URB1: variants seen among roughly 807,000 people sequenced by gnomAD.
URB1 encodes the protein nucleolar pre-ribosomal-associated protein 1.
URB1 carries 197 observed loss-of-function variants against 242.3 expected under a neutral mutation model. That is an observed-to-expected ratio of 0.81 (90% CI 0.72 to 0.91). URB1 has a LOEUF of 0.91. URB1 is among the 40% of genes least tolerant of loss of function. The pLI, the probability that URB1 is intolerant of heterozygous loss-of-function variation, is 0.00. For synonymous variants in URB1, 1,153 were observed against 1,201.8 expected (o/e 0.96, Z 0.84); for missense variants, 2,721 against 2,860.5 (o/e 0.95, Z 1.11).
chr21:32,372,633 T>G lies in URB1; in HGVS notation c.877-2A>C. On this transcript the variant is annotated splice_acceptor_variant, in intron 7 of 38. Transcript: ENST00000382751. LOFTEE classifies it high-confidence loss of function. ...TTTCCCTGCTTCTTCGGCAGAAACC[T>G]ATGAAGATTTTTTAAAAATTCAATG... 2 of 1,545,020 alleles carry G rather than the reference T, an allele frequency of 1.3e-6. No homozygotes were observed. Among genetic ancestry groups the G allele is most frequent in the Admixed American group, 2.0e-5 (1 of 49,166 alleles).
intron 14 of URB1, among the ~76,000 whole-genome samples, chr21:32,358,297 G>A (rs1601143890): frequency 6.6e-6 from 1 of 152,182 alleles, no homozygotes; most frequent in South Asian, 2.1e-4. Flanking sequence ...GAAGGCACCT[G>A]GCTGTTTACT....
intron 23 of URB1, among the ~76,000 whole-genome samples, chr21:32,344,988 T>C (rs1239562129): frequency 6.6e-6 from 1 of 152,202 alleles, no homozygotes. Context: ...AGGACACGTA[T>C]GTCCAGACTT....
chr21:32,334,123 G>A, intron 29 of URB1, 40 bp downstream of exon 29: 1 of 1,497,974 alleles, frequency 6.7e-7, no homozygotes, highest in Non-Finnish European at 9.0e-7. Context: ...CTGAGGCTGG[G>A]GTGAAGGGGT....
rs896613291 is a variant in URB1 at position 32,314,105 on chromosome 21, T to A, written c.*813A>T. ...TGTAACATCCTTTTCTTTAATAAAA[T>A]AATTAAACACTGGCAGAAATTAACT... is the stretch of plus-strand genomic sequence containing the variant. On this transcript the variant is annotated 3_prime_UTR_variant, in exon 39 of 39. Coordinates refer to ENST00000382751, the MANE Select transcript of URB1 (RefSeq NM_014825.3). The A allele has an allele frequency of 1.2e-5, 2 of 163,268 alleles. No individual in the cohort carries two copies. Among genetic ancestry groups the A allele is most frequent in the Non-Finnish European group, 2.7e-5 (2 of 74,588 alleles). 10.1% of individuals were successfully genotyped at this position (163,268 alleles called of 1,614,324 possible).
chr21:32,336,912 A>G (rs537633238), intron 28 of URB1, among the ~76,000 whole-genome samples, 182 bp downstream of exon 28: 6 of 152,316 alleles, frequency 3.9e-5, no homozygotes, highest in Admixed American at 3.9e-4. Flanking sequence ...GCCTTATGGC[A>G]TAAGGCCAAG....
chr21:32,334,373 C>T (rs2032932241), intron 28 of URB1, 39 bp from the exon 29 acceptor site: 3 of 1,511,004 alleles, frequency 2.0e-6, no homozygotes. Context: ...GTCACAGAGC[C>T]CCCCGGGAAC....
Position 32,354,866 on chromosome 21 carries a change from G to A in URB1, c.2238C>T (p.His746=), listed in dbSNP as rs1476094549. The part of the protein sequence containing the change: ...EADDMSIPIS[H]IDDVLDMVDV... ...GAACAGAATGGAACATACCGTCAAT[G>A]TGGGAGATGGGAATGCTCATGTCAT... The change falls in exon 17 of 39, where the codon CAC becomes CAT. Residue 746 remains histidine, a synonymous_variant. Transcript: ENST00000382751. The A allele has an allele frequency of 1.3e-6, 2 of 1,552,350 alleles. No homozygotes were observed. The highest frequency in any genetic ancestry group is 1.2e-5 in the South Asian group (1 of 84,054).
At chr21:32,352,372 G>A (rs2033167646) in intron 19 of URB1, among the ~76,000 whole-genome samples, 1 of 152,182 alleles carries the variant, frequency 6.6e-6, no homozygotes, top group Non-Finnish European at 1.5e-5. Context: ...CTGCAGAGGA[G>A]AGCCAGGAGA....
chr21:32,347,248 T>C lies in URB1; in HGVS notation c.3576A>G (p.Ala1192=). The C allele has an allele frequency of 1.9e-6, 3 of 1,550,904 alleles. No individual in the cohort carries two copies. The highest frequency in any genetic ancestry group is 2.6e-6 in the Non-Finnish European group (3 of 1,146,964). The stretch of plus-strand genomic sequence containing the variant: ...GGAGCACTGTGTCCAGCTCGTCCAC[T>C]GCTAGCGTGGGCAGCAGAGCCCCCA... ...RGLGALLPTL[A]VDELDTVLLH... Residue 1192 remains alanine (A), a synonymous_variant, in exon 22 of 39, where the codon GCA becomes GCG. Coordinates refer to ENST00000382751, the MANE Select transcript of URB1 (RefSeq NM_014825.3).
rs979229183 is a variant in URB1, at chr21:32,317,786, GT to G, written c.5923del (p.Thr1975ProfsTer24). 2 of 1,551,990 alleles carry G rather than the reference GT, an allele frequency of 1.3e-6. No homozygotes were observed. Among genetic ancestry groups the G allele is most frequent in the Non-Finnish European group, 1.7e-6 (2 of 1,147,052 alleles). ...RFTVNETVLS[T>X]KDVLVLLHKW... ...GTGCAAGAGGACAAGGACGTCCTTG[GT>G]GGAAAGCACTGTCTCATTTACGGTG... On this transcript the variant is annotated frameshift_variant, in exon 37 of 39. Coordinates refer to ENST00000382751, the MANE Select transcript of URB1 (RefSeq NM_014825.3). LOFTEE classifies it high-confidence loss of function.
chr21:32,375,002 A>AG (rs1326498071), intron 6 of URB1, among the ~76,000 whole-genome samples: 1 of 152,244 alleles, frequency 6.6e-6, no homozygotes, highest in Non-Finnish European at 1.5e-5. Context: ...AAGTTTTAAA[A>AG]TATCAATAAG....
intron 24 of URB1, among the ~76,000 whole-genome samples, chr21:32,343,387 A>C (rs1186279527): frequency 6.6e-6 from 1 of 152,236 alleles, no homozygotes; most frequent in Admixed American, 6.5e-5. Flanking sequence ...GGAAAGCATC[A>C]CTGAACTTAA....
chr21:32,329,024 C>T (rs1156700638), intron 30 of URB1, among the ~76,000 whole-genome samples: 1 of 151,946 alleles, frequency 6.6e-6, no homozygotes, highest in Non-Finnish European at 1.5e-5. Context: ...GCTGTAATCC[C>T]CCAGCAACTT....
chr21:32,349,179 C>T (rs1197818911), intron 21 of URB1, 125 bp downstream of exon 21: 1 of 1,307,932 alleles, frequency 7.6e-7, no homozygotes, highest in Non-Finnish European at 1.0e-6. Flanking sequence ...TTTATGATCT[C>T]TGCTGTAGTT....
chr21:32,312,201 T>C lies in URB1; in HGVS notation c.*2717A>G. The C allele has an allele frequency of 6.7e-7, 1 of 1,487,044 alleles. No individual in the cohort carries two copies. Among genetic ancestry groups the C allele is most frequent in the South Asian group, 1.3e-5 (1 of 75,238 alleles). 92.1% of individuals were successfully genotyped at this position (1,487,044 alleles called of 1,614,324 possible). ...AGAGGTCATCCCAGGTGTTGCTGAGTTTATTGAGCACACCTAGCCTGCTTG... is the reference window on the plus strand; with the variant it reads ...AGAGGTCATCCCAGGTGTTGCTGAGCTTATTGAGCACACCTAGCCTGCTTG... On this transcript the variant is annotated 3_prime_UTR_variant, in exon 39 of 39. Transcript: ENST00000382751.
rs1170337670 is a variant in URB1 at position 32,346,998 on chromosome 21, G to A, written c.3826C>T (p.Leu1276Phe). 4.5e-6 allele frequency: 7 copies of A among 1,542,356 alleles called. No individual in the cohort carries two copies. The highest frequency in any genetic ancestry group is 6.1e-6 in the Non-Finnish European group (7 of 1,140,390). ...AAGTGGCTCCGTGTCCTGCACTGGA[G>A]GTACACATGGATGAGGGGAAGGAAG... The part of the protein sequence containing the change: ...DDFLPLIHVY[L>F]QCRTRSHFTR... Residue 1276 changes from leucine to phenylalanine, a missense_variant, in exon 22 of 39, where the codon CTC becomes TTC. Leu to Phe is a conservative substitution (Grantham distance 22). Coordinates refer to ENST00000382751, the MANE Select transcript of URB1 (RefSeq NM_014825.3).
chr21:32,387,501 C>T (rs1177730768), intron 1 of URB1, among the ~76,000 whole-genome samples: 1 of 151,006 alleles, frequency 6.6e-6, no homozygotes, highest in Non-Finnish European at 1.5e-5. Flanking sequence ...GAAGGCAGGG[C>T]ATGGCAGTGG....
At position 32,344,752 on chromosome 21, in the gene URB1, T is replaced by A; in HGVS notation, c.4075A>T (p.Ile1359Phe). 8.4e-6 allele frequency: 13 copies of A among 1,550,482 alleles called. No individual in the cohort carries two copies. The highest frequency in any genetic ancestry group is 1.1e-5 in the Non-Finnish European group (13 of 1,146,648). Residue 1359 changes from isoleucine (I) to phenylalanine (F), a missense_variant, in exon 24 of 39, where the codon ATC becomes TTC. Coordinates refer to ENST00000382751, the MANE Select transcript of URB1 (RefSeq NM_014825.3). ...LHTPSSHKRW[I>F]VADSISAALE... ...GCTGCTGAAATGGAGTCGGCCACGA[T>A]CCACCTGCAGCAGGAGATGAGAGTC...
At chr21:32,354,469 T>C (rs954684760) in intron 17 of URB1, among the ~76,000 whole-genome samples, 10 of 152,216 alleles carry the variant, frequency 6.6e-5, no homozygotes, top group South Asian at 2.1e-4. Context: ...GTTCTAATCC[T>C]GACTTTGCTA....
Sources: gnomAD v4.1 joint callset for allele counts (sites outside exome capture counted in the v4.1 genomes callset) on GRCh38, gnomAD v4.1.1 for gene constraint, MANE v1.5 for transcripts, NCBI Gene and HGNC (gene_info 2026-07-23, HGNC 2026-07-21) for gene names.